SLC25A21: variants seen among roughly 807,000 people sequenced by gnomAD.
SLC25A21 encodes the protein solute carrier family 25 member 21, also known as mitochondrial 2-oxodicarboxylate carrier.
SLC25A21 carries 47 observed loss-of-function variants against 43.8 expected under a neutral mutation model. The observed-to-expected ratio is 1.07, with a 90% CI of 0.85 to 1.37. SLC25A21 has a LOEUF of 1.37. Among genes scored for constraint, SLC25A21 ranks in the 40% most tolerant of loss-of-function variants. The pLI is 0.00. For synonymous variants in SLC25A21, 131 were observed against 121.3 expected (o/e 1.08, Z -0.52); for missense variants, 352 against 350.2 (o/e 1.00, Z -0.04).
rs1882196768 is a variant in SLC25A21, at chr14:36,680,621, T to G, written c.*37A>C. 2.5e-6 allele frequency: 4 copies of G among 1,608,768 alleles called. No individual in the cohort carries two copies. The South Asian group carries it at 4.5e-5, about 18-fold the overall frequency. ...TCTTCATGGTGCTGCATAGCAAATA[T>G]CCATTATCTCAAGGGGGAAAAACAC... On this transcript the variant is annotated 3_prime_UTR_variant, in exon 10 of 10. Transcript: ENST00000331299.
At chr14:36,811,495 A>G (rs887815624) in intron 3 of SLC25A21, among the ~76,000 whole-genome samples, 13 of 152,136 alleles carry the variant, frequency 8.5e-5, no homozygotes, top group Non-Finnish European at 1.8e-4. Context: ...TACTAAAAAT[A>G]AAATAACTAG....
intron 1 of SLC25A21, among the ~76,000 whole-genome samples, chr14:37,087,141 T>C (rs1470978429): frequency 1.3e-5 from 2 of 152,192 alleles, no homozygotes; most frequent in Non-Finnish European, 2.9e-5. Context: ...AATGGCCCTT[T>C]TGATGACTGC....
At chr14:37,106,300 A>G (rs1326281335) in intron 1 of SLC25A21, among the ~76,000 whole-genome samples, 1 of 152,106 alleles carries the variant, frequency 6.6e-6, no homozygotes, top group Non-Finnish European at 1.5e-5. Context: ...TGCAAGTAGG[A>G]GAGATATTGC....
At chr14:36,739,677 A>C (rs565570989) in intron 3 of SLC25A21, among the ~76,000 whole-genome samples, 1 of 116,754 alleles carries the variant, frequency 8.6e-6, no homozygotes, top group African/African-American at 3.8e-5. Context: ...ACTCTGTCTA[A>C]AAAAAAAGAA....
chr14:36,897,629 CA>C (rs1407170503), intron 1 of SLC25A21, among the ~76,000 whole-genome samples: 2 of 152,122 alleles, frequency 1.3e-5, no homozygotes, highest in African/African-American at 4.8e-5. Flanking sequence ...TTAGAGTTTC[CA>C]GTTTTACTGC....
At chr14:36,766,547 A>C (rs1886422575) in intron 3 of SLC25A21, among the ~76,000 whole-genome samples, 1 of 152,050 alleles carries the variant, frequency 6.6e-6, no homozygotes, top group African/African-American at 2.4e-5. Context: ...CTTGATCTTA[A>C]TCCTTTTTTC....
intron 1 of SLC25A21, among the ~76,000 whole-genome samples, chr14:36,984,886 T>C (rs1388944283): frequency 1.3e-5 from 2 of 151,736 alleles, no homozygotes; most frequent in African/African-American, 2.4e-5. Flanking sequence ...CGTATGTTTA[T>C]TGCAGCATTA....
At chr14:36,736,152 G>C (rs574993764) in intron 3 of SLC25A21, among the ~76,000 whole-genome samples, 102 of 152,054 alleles carry the variant, frequency 6.7e-4, no homozygotes, top group Non-Finnish European at 8.8e-5. Flanking sequence ...AGCCAGGATG[G>C]TCTCGATCTC....
chr14:36,812,989 G>T (rs567892068), intron 3 of SLC25A21, among the ~76,000 whole-genome samples: 1 of 152,188 alleles, frequency 6.6e-6, no homozygotes, highest in Non-Finnish European at 1.5e-5. Flanking sequence ...ATTTTTGAAA[G>T]ATTATTATTT....
chr14:36,687,850 A>G (rs1036805694), intron 7 of SLC25A21, among the ~76,000 whole-genome samples: 1 of 152,146 alleles, frequency 6.6e-6, no homozygotes, highest in Non-Finnish European at 1.5e-5. Flanking sequence ...GCTAGGATCT[A>G]TTCTTTGCAG....
At chr14:36,748,762 C>A (rs1885595327) in intron 3 of SLC25A21, among the ~76,000 whole-genome samples, 1 of 152,176 alleles carries the variant, frequency 6.6e-6, no homozygotes, top group Non-Finnish European at 1.5e-5. Context: ...AACTGTCATA[C>A]ATCTCCAGTT....
intron 1 of SLC25A21, among the ~76,000 whole-genome samples, chr14:37,077,760 A>G (rs1367803691): frequency 6.6e-6 from 1 of 152,184 alleles, no homozygotes; most frequent in Non-Finnish European, 1.5e-5. Context: ...GAGAATATTA[A>G]TATAATGGTC....
chr14:37,103,455 C>T (rs927026143), intron 1 of SLC25A21, among the ~76,000 whole-genome samples: 2 of 152,154 alleles, frequency 1.3e-5, no homozygotes, highest in Admixed American at 6.5e-5. Context: ...GGACAACTAC[C>T]ATGCTTTGAG....
At position 37,124,277 on chromosome 14, in the gene SLC25A21, C is replaced by A. The variant is rs187987103; in HGVS notation, c.70+48004G>T. 4.5e-4 allele frequency among the ~76,000 whole-genome samples: 68 copies of A among 152,254 alleles called. No homozygotes were observed. The East Asian group carries it at 0.012, about 28-fold the overall frequency. ...TAAAATAAAGAAAAAATAATATCCT[C>A]TTTAAGATACTTCCTTCTTATTTTA... On this transcript the variant is annotated intron_variant, in intron 1 of 9. Coordinates refer to ENST00000331299, the MANE Select transcript of SLC25A21 (RefSeq NM_030631.4).
chr14:36,678,574 ACT>A lies in SLC25A21; in HGVS notation c.*2082_*2083del. The A allele has an allele frequency of 6.5e-7, 1 of 1,529,094 alleles. No individual in the cohort carries two copies. Among genetic ancestry groups the A allele is most frequent in the African/African-American group, 1.4e-5 (1 of 72,742 alleles). The allele number at this position is 1,529,094 out of a possible 1,614,324, so 94.7% of individuals were successfully genotyped here. A position where few individuals can be genotyped will look rare whatever the true frequency, so the allele number is the denominator to read the frequency against. ...TTCTTTAAAACCATACCATACAGGGACTCTCCTGTCATCTGAAAAACTGATGT... is the reference window on the plus strand; with the variant it reads ...TTCTTTAAAACCATACCATACAGGGACTCCTGTCATCTGAAAAACTGATGT... On this transcript the variant is annotated 3_prime_UTR_variant, in exon 10 of 10. Coordinates refer to ENST00000331299, the MANE Select transcript of SLC25A21 (RefSeq NM_030631.4).
intron 1 of SLC25A21, among the ~76,000 whole-genome samples, chr14:36,958,666 C>T (rs1959403648): frequency 7.0e-6 from 1 of 143,164 alleles, no homozygotes; most frequent in Non-Finnish European, 1.5e-5. Context: ...GAGATGTACA[C>T]ATAAGCACAC....
chr14:37,110,700 C>T (rs1331428176), intron 1 of SLC25A21, among the ~76,000 whole-genome samples: 2 of 152,064 alleles, frequency 1.3e-5, no homozygotes, highest in Admixed American at 1.3e-4. Context: ...CACCATATTG[C>T]GCTCACTATT....
chr14:36,894,857 T>G (rs1270853836), intron 1 of SLC25A21, among the ~76,000 whole-genome samples: 1 of 152,246 alleles, frequency 6.6e-6, no homozygotes, highest in Non-Finnish European at 1.5e-5. Context: ...GATTTGTGTA[T>G]GTTGAACCAG....
At chr14:36,955,591 T>C (rs1386980266) in intron 1 of SLC25A21, among the ~76,000 whole-genome samples, 1 of 152,124 alleles carries the variant, frequency 6.6e-6, no homozygotes, top group African/African-American at 2.4e-5. Context: ...GTCATGAAGA[T>C]TTTAACTGCA....
Sources: gnomAD v4.1 joint callset for allele counts (sites outside exome capture counted in the v4.1 genomes callset) on GRCh38, gnomAD v4.1.1 for gene constraint, MANE v1.5 for transcripts, NCBI Gene and HGNC (gene_info 2026-07-23, HGNC 2026-07-21) for gene names.